Variants in COBLL1 observed in about 807,000 individuals in gnomAD.
The protein encoded by COBLL1 is cordon-bleu WH2 repeat protein like 1.
Under a neutral mutation model 94.8 loss-of-function variants are expected in COBLL1, and 50 were observed. That is an observed-to-expected ratio of 0.53 (90% CI 0.42 to 0.67). The LOEUF (loss-of-function observed/expected upper bound fraction) is 0.67, where lower values mean the gene tolerates loss of function less well. COBLL1 is among the 30% of genes least tolerant of loss of function. COBLL1 has a pLI of 0.00. For missense variants in COBLL1, 1,362 were observed against 1,348.7 expected (o/e 1.01, Z -0.15); for synonymous variants, 448 against 473.8 (o/e 0.95, Z 0.71).
intron 2 of COBLL1, among the ~76,000 whole-genome samples, chr2:164,748,992 A>G (rs1285998067): frequency 1.3e-5 from 2 of 152,154 alleles, no homozygotes; most frequent in Admixed American, 6.5e-5. Flanking sequence ...GTGTCCTACT[A>G]TTACTGCTGA....
At chr2:164,783,893 G>A (rs939078402) in intron 2 of COBLL1, among the ~76,000 whole-genome samples, 12 of 152,116 alleles carry the variant, frequency 7.9e-5, no homozygotes, top group African/African-American at 2.9e-4. Flanking sequence ...TTGAGCCTGG[G>A]AGATCGAGCC....
intron 5 of COBLL1, chr2:164,727,047 TAATTTC>T (rs1233422744): frequency 1.1e-6 from 1 of 886,436 alleles, no homozygotes; most frequent in Non-Finnish European, 1.7e-6. Flanking sequence ...ATTAGAAGCT[TAATTTC>T]AATATATCCA....
intron 2 of COBLL1, among the ~76,000 whole-genome samples, chr2:164,793,912 T>C (rs918954703): frequency 6.6e-6 from 1 of 152,208 alleles, no homozygotes; most frequent in Non-Finnish European, 1.5e-5. Context: ...AGTTACAGAT[T>C]AGGAATGTGT....
chr2:164,694,458 T>G lies in COBLL1; in HGVS notation c.2934A>C (p.Arg978=). The stretch of plus-strand genomic sequence containing the variant: ...GTGAAGGACCAGAACTTGAGTATGG[T>G]CGTGGGGCACCAAAAGTTTTCAAAG... ...LKTLKTFGAP[R]PYSSSGPSPF... The change falls in exon 12 of 14, where the codon CGA becomes CGC. Residue 978 remains arginine (R), a synonymous_variant. Transcript: ENST00000652658. 6.2e-7 allele frequency: 1 copy of G among 1,613,932 alleles called. No individual in the cohort carries two copies. Among genetic ancestry groups the G allele is most frequent in the Non-Finnish European group, 8.5e-7 (1 of 1,179,942 alleles).
intron 3 of COBLL1, among the ~76,000 whole-genome samples, chr2:164,731,250 T>C (rs1449692445): frequency 6.6e-6 from 1 of 152,206 alleles, no homozygotes; most frequent in East Asian, 1.9e-4. Context: ...TCAGCTCTTG[T>C]GCTAGAACAT....
At chr2:164,699,320 G>T in intron 11 of COBLL1, 85 bp downstream of exon 11, 2 of 840,846 alleles carry the variant, frequency 2.4e-6, no homozygotes. Flanking sequence ...GAGATTAAAT[G>T]AGTTAATACA....
At position 164,824,792 on chromosome 2, in the gene COBLL1, A is replaced by G. The variant is rs573753850; in HGVS notation, c.41+16364T>C. 4.4e-4 allele frequency among the ~76,000 whole-genome samples: 67 copies of G among 152,328 alleles called. No individual in the cohort carries two copies. In the Middle Eastern group the frequency reaches 0.01, roughly 23 times the overall value. On this transcript the variant is annotated intron_variant, in intron 2 of 13. Coordinates refer to ENST00000652658, the MANE Select transcript of COBLL1 (RefSeq NM_001365672.2). ...TATTGCTTTCAAACATTCTGTGACA[A>G]GCATGTTTATTTTGTAATTGGAAAA... is the stretch of plus-strand genomic sequence containing the variant.
chr2:164,717,038 A>C (rs952237921), intron 7 of COBLL1, among the ~76,000 whole-genome samples: 8 of 152,128 alleles, frequency 5.3e-5, no homozygotes, highest in African/African-American at 1.9e-4. Context: ...TCCCTTTGTC[A>C]TGTGTTACTG....
chr2:164,774,521 G>A (rs953033329), intron 2 of COBLL1, among the ~76,000 whole-genome samples: 1 of 152,184 alleles, frequency 6.6e-6, no homozygotes, highest in African/African-American at 2.4e-5. Context: ...ATTCTAATAT[G>A]AGTGACAGAA....
At chr2:164,794,996 A>C (rs2105305730) in intron 2 of COBLL1, among the ~76,000 whole-genome samples, 1 of 152,330 alleles carries the variant, frequency 6.6e-6, no homozygotes, top group South Asian at 2.1e-4. Context: ...ACAAAAGTGA[A>C]TTGTGAGAAA....
chr2:164,685,458 G>A lies in COBLL1; in HGVS notation c.*488C>T, dbSNP rs1232138804. On this transcript the variant is annotated 3_prime_UTR_variant, in exon 14 of 14. Coordinates refer to ENST00000652658, the MANE Select transcript of COBLL1 (RefSeq NM_001365672.2). ...TTATTGAACTGAATATACTTATTTG[G>A]TATCACTAGTTTTCTAAATCATTCT... 1 of 152,108 alleles carries A rather than the reference G, an allele frequency of 6.6e-6. No homozygotes were observed. Among genetic ancestry groups the A allele is most frequent in the African/African-American group, 2.4e-5 (1 of 41,384 alleles). The allele number at this position is 152,108 out of a possible 1,614,324, so 9.4% of individuals were successfully genotyped here.
chr2:164,708,572 T>C lies in COBLL1; in HGVS notation c.997-3467A>G, dbSNP rs533072719. On this transcript the variant is annotated intron_variant, in intron 7 of 13. Coordinates refer to ENST00000652658, the MANE Select transcript of COBLL1 (RefSeq NM_001365672.2). ...TTAAGAGTAACACATTTAGGAAACA[T>C]CAGAAAAAAGGCCAAAAGTTCTCCC... Among the ~76,000 whole-genome samples the C allele has an allele frequency of 1.6e-4, 25 of 152,220 alleles. No individual in the cohort carries two copies. The South Asian group carries it at 3.1e-3, about 19-fold the overall frequency.
At chr2:164,829,846 G>A (rs577912882) in intron 2 of COBLL1, among the ~76,000 whole-genome samples, 1 of 152,244 alleles carries the variant, frequency 6.6e-6, no homozygotes, top group Non-Finnish European at 1.5e-5. Context: ...TCAGAAGCTG[G>A]CTGGTTCCCT....
rs536437387 is a variant in COBLL1, at chr2:164,818,329, C to T, written c.41+22827G>A. Among the ~76,000 whole-genome samples the T allele has an allele frequency of 3.7e-3, 543 of 145,158 alleles. 17 individuals carry two copies. The highest frequency in any genetic ancestry group is 0.013 in the African/African-American group (518 of 39,096). ...ATACATATACACGTGTGTATGTATA[C>T]ATATATGTATATATACATATGTGCA... On this transcript the variant is annotated intron_variant, in intron 2 of 13. Coordinates refer to ENST00000652658, the MANE Select transcript of COBLL1 (RefSeq NM_001365672.2).
intron 2 of COBLL1, among the ~76,000 whole-genome samples, chr2:164,830,260 G>T (rs1396150888): frequency 1.3e-5 from 2 of 152,124 alleles, no homozygotes; most frequent in Non-Finnish European, 2.9e-5. Flanking sequence ...CAGAAAGTCG[G>T]TCTCTACCTT....
chr2:164,736,740 A>G (rs57963710), intron 3 of COBLL1, among the ~76,000 whole-genome samples: 10,273 of 152,240 alleles, frequency 0.067, 466 homozygotes, highest in African/African-American at 0.14. Flanking sequence ...TTTTATTGAC[A>G]TGAAAGATGG....
chr2:164,805,331 C>CTATATATATA (rs1287905601), intron 2 of COBLL1, among the ~76,000 whole-genome samples: 42 of 21,278 alleles, frequency 2.0e-3, no homozygotes, highest in East Asian at 3.2e-3. Context: ...CTCTCTCTCT[C>CTATATATATA]TCTCTCTATA....
intron 2 of COBLL1, among the ~76,000 whole-genome samples, chr2:164,745,145 T>C (rs889663883): frequency 3.9e-5 from 6 of 152,130 alleles, no homozygotes; most frequent in Admixed American, 1.3e-4. Context: ...TAAGTAAATA[T>C]ATAACATCCA....
chr2:164,673,372 T>C (rs940989172), intron 1 of COBLL1, among the ~76,000 whole-genome samples: 2 of 152,110 alleles, frequency 1.3e-5, no homozygotes, highest in African/African-American at 2.4e-5. Context: ...GCTCGATCAG[T>C]AAGGCTGGGC....
Sources: allele counts gnomAD v4.1 joint callset (sites outside exome capture counted in the v4.1 genomes callset), GRCh38; gene constraint gnomAD v4.1.1; transcripts MANE v1.5; gene names NCBI Gene and HGNC (gene_info 2026-07-23, HGNC 2026-07-21).